ELOVL6: variants seen among roughly 807,000 people sequenced by gnomAD.
ELOVL6 encodes the protein very long chain fatty acid elongase 6.
ELOVL6 carries 8 observed loss-of-function variants against 31.7 expected under a neutral mutation model. The ratio of observed to expected loss-of-function variants is 0.25; its 90% CI spans 0.15 to 0.45. The LOEUF (loss-of-function observed/expected upper bound fraction) is 0.45. ELOVL6 is among the 20% of genes least tolerant of loss of function. The pLI, the probability that ELOVL6 is intolerant of heterozygous loss-of-function variation, is 1.00. For missense variants in ELOVL6, 126 were observed against 326.4 expected, an observed-to-expected ratio of 0.39 and a Z score of 4.73; for synonymous variants, 101 against 117.7, an observed-to-expected ratio of 0.86 and a Z score of 0.92.
At chr4:110,057,662 C>A (rs186516389) in intron 3 of ELOVL6, among the ~76,000 whole-genome samples, 25 of 151,882 alleles carry the variant, frequency 1.6e-4, no homozygotes, top group African/African-American at 5.6e-4. Flanking sequence ...TCCAGCCTGG[C>A]CAACATGGTG....
At chr4:110,067,994 G>A (rs1438155341) in intron 2 of ELOVL6, among the ~76,000 whole-genome samples, 1 of 152,056 alleles carries the variant, frequency 6.6e-6, no homozygotes, top group Non-Finnish European at 1.5e-5. Context: ...CTTTCACAGA[G>A]CTCTCCTCTG....
intron 1 of ELOVL6, among the ~76,000 whole-genome samples, chr4:110,118,911 A>G (rs566336776): frequency 3.5e-4 from 54 of 152,262 alleles, no homozygotes; most frequent in Non-Finnish European, 7.4e-4. Flanking sequence ...TACAGTAAAA[A>G]TTAGCCACGC....
intron 1 of ELOVL6, among the ~76,000 whole-genome samples, chr4:110,184,471 G>A (rs900834662): frequency 1.2e-4 from 19 of 152,184 alleles, no homozygotes; most frequent in African/African-American, 4.6e-4. Flanking sequence ...GACAAGGGCT[G>A]CTTCTAGAGG....
At chr4:110,121,948 T>C (rs1757369606) in intron 1 of ELOVL6, among the ~76,000 whole-genome samples, 1 of 151,262 alleles carries the variant, frequency 6.6e-6, no homozygotes, top group African/African-American at 2.5e-5. Flanking sequence ...TGAAGCTGAC[T>C]ACTCCTTTTC....
intron 1 of ELOVL6, among the ~76,000 whole-genome samples, chr4:110,190,597 T>C (rs1759584935): frequency 6.6e-6 from 1 of 152,046 alleles, no homozygotes; most frequent in Non-Finnish European, 1.5e-5. Context: ...CTCGGCCTCC[T>C]GGGTTCAAGC....
intron 2 of ELOVL6, among the ~76,000 whole-genome samples, chr4:110,060,700 C>T (rs936809792): frequency 6.6e-5 from 10 of 152,114 alleles, no homozygotes; most frequent in Non-Finnish European, 1.0e-4. Context: ...AGTGTGTGAA[C>T]CATGCCCGGG....
intron 1 of ELOVL6, among the ~76,000 whole-genome samples, chr4:110,131,422 CAG>C (rs1446862968): frequency 1.3e-5 from 2 of 152,146 alleles, no homozygotes; most frequent in East Asian, 1.9e-4. Context: ...CTTTTATAGA[CAG>C]GGGTATTTTT....
chr4:110,071,220 C>T (rs1247680148), intron 2 of ELOVL6, among the ~76,000 whole-genome samples: 1 of 152,190 alleles, frequency 6.6e-6, no homozygotes, highest in Non-Finnish European at 1.5e-5. Context: ...ACCTAAAGAT[C>T]CATTCCATCT....
chr4:110,130,968 T>G (rs1418616569), intron 1 of ELOVL6, among the ~76,000 whole-genome samples: 1 of 152,214 alleles, frequency 6.6e-6, no homozygotes, highest in Non-Finnish European at 1.5e-5. Context: ...ATTAGATACT[T>G]CACTCTAACT....
chr4:110,190,187 A>T (rs572358921), intron 1 of ELOVL6, among the ~76,000 whole-genome samples: 1 of 152,236 alleles, frequency 6.6e-6, no homozygotes, highest in South Asian at 2.1e-4. Flanking sequence ...TACAATCAGC[A>T]TGTCTAATTT....
intron 2 of ELOVL6, among the ~76,000 whole-genome samples, chr4:110,078,497 T>A (rs940601263): frequency 6.6e-6 from 1 of 152,138 alleles, no homozygotes; most frequent in African/African-American, 2.4e-5. Flanking sequence ...CTAAGCTTCA[T>A]AAGTGAAGGA....
At chr4:110,159,575 C>T (rs1260794811) in intron 1 of ELOVL6, among the ~76,000 whole-genome samples, 4 of 151,906 alleles carry the variant, frequency 2.6e-5, no homozygotes, top group Non-Finnish European at 5.9e-5. Context: ...TGCATATTCA[C>T]GTATCAATAA....
chr4:110,085,059 A>C (rs1756211266), intron 2 of ELOVL6, among the ~76,000 whole-genome samples: 1 of 152,194 alleles, frequency 6.6e-6, no homozygotes, highest in East Asian at 1.9e-4. Flanking sequence ...GGGCTGGCTA[A>C]GAACATTTTT....
chr4:110,138,647 A>G (rs1284416920), intron 1 of ELOVL6, among the ~76,000 whole-genome samples: 4 of 152,038 alleles, frequency 2.6e-5, no homozygotes, highest in Non-Finnish European at 5.9e-5. Context: ...AAAGGAAAAG[A>G]AAGTGCATAC....
intron 1 of ELOVL6, among the ~76,000 whole-genome samples, chr4:110,141,688 A>C (rs913756527): frequency 2.7e-5 from 4 of 148,078 alleles, no homozygotes; most frequent in Non-Finnish European, 5.9e-5. Flanking sequence ...ATATAGTATT[A>C]GTATATATAT....
At chr4:110,147,901 G>A (rs1288645471) in intron 1 of ELOVL6, among the ~76,000 whole-genome samples, 2 of 151,514 alleles carry the variant, frequency 1.3e-5, no homozygotes, top group Non-Finnish European at 2.9e-5. Flanking sequence ...GATCACCTGA[G>A]GTCAGGAGTT....
At chr4:110,054,117 T>A (rs543791810) in intron 3 of ELOVL6, among the ~76,000 whole-genome samples, 9 of 152,148 alleles carry the variant, frequency 5.9e-5, no homozygotes, top group South Asian at 2.1e-4. Context: ...ATAAATAAAT[T>A]AATTAAATAA....
In ELOVL6 at chr4:110,069,715, G is replaced by T. The variant is rs78944036; in HGVS notation, c.222-9961C>A. On this transcript the variant is annotated intron_variant, in intron 2 of 3. Coordinates refer to ENST00000302274, the MANE Select transcript of ELOVL6 (RefSeq NM_024090.3). ...TGCCTTTTACCTGATAGCTGATCCT[G>T]AAAACTCACTGGGCTTTCATTTAGG... Among the ~76,000 whole-genome samples the T allele has an allele frequency of 7.3e-3, 1,105 of 152,316 alleles. 8 individuals carry two copies. The highest frequency in any genetic ancestry group is 0.013 in the Non-Finnish European group (901 of 68,040).
intron 2 of ELOVL6, among the ~76,000 whole-genome samples, chr4:110,060,365 C>T (rs1311950519): frequency 6.6e-6 from 1 of 152,050 alleles, no homozygotes; most frequent in East Asian, 1.9e-4. Context: ...TCCAGGAAGC[C>T]CACTCAGGCA....
Sources: allele counts gnomAD v4.1 joint callset (sites outside exome capture counted in the v4.1 genomes callset), GRCh38; gene constraint gnomAD v4.1.1; transcripts MANE v1.5; gene names NCBI Gene and HGNC (gene_info 2026-07-23, HGNC 2026-07-21).